The following ANKS1B variants were observed in gnomAD, a reference collection of about 807,000 sequenced individuals.
ANKS1B encodes the protein ankyrin repeat and sterile alpha motif domain-containing protein 1B.
Under a neutral mutation model 148.3 loss-of-function variants are expected in ANKS1B, and 36 were observed. That is an observed-to-expected ratio of 0.24 (90% confidence interval 0.19 to 0.32). The LOEUF is 0.32. Among genes scored for constraint, ANKS1B ranks in the 10% least tolerant of loss-of-function variants. The probability of loss-of-function intolerance (pLI) is 1.00; values close to 1 mark genes in which losing one functional copy is unlikely to be tolerated. For missense variants in ANKS1B, 1,157 were observed against 1,542.6 expected (o/e 0.75, Z 4.19); for synonymous variants, 542 against 560.8 (o/e 0.97, Z 0.47).
At chr12:98,799,789 C>T (rs887858282) in intron 21 of ANKS1B, among the ~76,000 whole-genome samples, 6 of 152,134 alleles carry the variant, frequency 3.9e-5, no homozygotes, top group Non-Finnish European at 8.8e-5. Flanking sequence ...TCAATTGACT[C>T]CCCTTCAACC....
intron 8 of ANKS1B, among the ~76,000 whole-genome samples, chr12:99,696,586 A>T (rs1004548894): frequency 2.0e-5 from 3 of 152,226 alleles, no homozygotes; most frequent in African/African-American, 7.2e-5. Flanking sequence ...AAAATGGATC[A>T]TAAGCCTAAA....
chr12:99,065,590 T>TCATCCATCCATCCATC (rs200122902), intron 16 of ANKS1B, among the ~76,000 whole-genome samples: 1 of 67,468 alleles, frequency 1.5e-5, no homozygotes, highest in Non-Finnish European at 4.3e-5. Flanking sequence ...TCCATTCCAT[T>TCATCCATCCATCCATC]CATCCATCCA....
chr12:98,740,391 C>T (rs964399455), downstream of ANKS1B, among the ~76,000 whole-genome samples: 4 of 152,172 alleles, frequency 2.6e-5, no homozygotes, highest in Admixed American at 2.0e-4. Flanking sequence ...TCTGCCAATG[C>T]AGCATGCCCC....
intron 10 of ANKS1B, among the ~76,000 whole-genome samples, chr12:99,456,308 A>G (rs1375596658): frequency 6.9e-6 from 1 of 144,110 alleles, no homozygotes; most frequent in Non-Finnish European, 1.5e-5. Context: ...GAAATAGTCT[A>G]CCCAAATAAG....
At chr12:98,790,805 T>G (rs2098841983) in intron 22 of ANKS1B, among the ~76,000 whole-genome samples, 1 of 152,182 alleles carries the variant, frequency 6.6e-6, no homozygotes, top group South Asian at 2.1e-4. Context: ...AGTGGATCAA[T>G]ATACCTGGGC....
At chr12:99,282,340 A>AG (rs1441787614) in intron 12 of ANKS1B, among the ~76,000 whole-genome samples, 3 of 152,300 alleles carry the variant, frequency 2.0e-5, no homozygotes, top group Middle Eastern at 3.4e-3. Flanking sequence ...GAGAGTAGTA[A>AG]GGGATGAGAT....
At chr12:99,156,868 A>G (rs574534800) in intron 14 of ANKS1B, among the ~76,000 whole-genome samples, 1 of 152,378 alleles carries the variant, frequency 6.6e-6, no homozygotes, top group Non-Finnish European at 1.5e-5. Flanking sequence ...CATACCTGCT[A>G]AACAAAATAA....
Position 98,780,722 on chromosome 12 carries a change from A to T in ANKS1B, c.3441+395T>A, listed in dbSNP as rs1011645969. 2.0e-5 allele frequency among the ~76,000 whole-genome samples: 3 copies of T among 152,236 alleles called. No homozygotes were observed. In the East Asian group the frequency reaches 5.8e-4, roughly 29 times the overall value. On this transcript the variant is annotated intron_variant, in intron 24 of 26. Transcript: ENST00000683438. ...ATGTTCTAGCCCTTTATCTAGTAACATCTCCTCTGATGGAGGAGTGATGAC... is the reference window on the plus strand; with the variant it reads ...ATGTTCTAGCCCTTTATCTAGTAACTTCTCCTCTGATGGAGGAGTGATGAC...
At chr12:99,952,216 T>C (rs781343712) in intron 1 of ANKS1B, among the ~76,000 whole-genome samples, 4 of 152,148 alleles carry the variant, frequency 2.6e-5, no homozygotes, top group South Asian at 2.1e-4. Flanking sequence ...GATACATGAA[T>C]TCATGCATGG....
rs373551024 is a variant in ANKS1B, at chr12:99,517,678, C to A, written c.1273-13037G>T. On this transcript the variant is annotated intron_variant, in intron 9 of 26. Coordinates refer to ENST00000683438, the MANE Select transcript of ANKS1B (RefSeq NM_001352186.2). Reference sequence around the variant, plus strand: ...TATATAGCCAACAAGAATACTTTGACTTCTACCTTTCCAATTTGGATGCCC... The same window carrying A: ...TATATAGCCAACAAGAATACTTTGAATTCTACCTTTCCAATTTGGATGCCC... Among the ~76,000 whole-genome samples, 280 of 152,068 alleles carry A rather than the reference C, an allele frequency of 1.8e-3. 1 individual carries two copies. The highest frequency in any genetic ancestry group is 8.8e-3 in the Admixed American group (135 of 15,278).
At chr12:99,196,792 T>A (rs2081437039) in intron 14 of ANKS1B, among the ~76,000 whole-genome samples, 1 of 152,022 alleles carries the variant, frequency 6.6e-6, no homozygotes. Context: ...AGCTTTCTGT[T>A]TATTAGTGAC....
chr12:99,350,056 G>A (rs1030279335), intron 12 of ANKS1B, among the ~76,000 whole-genome samples: 3 of 152,020 alleles, frequency 2.0e-5, no homozygotes, highest in Non-Finnish European at 4.4e-5. Context: ...TGTTGGAGGT[G>A]GGGCCTGGTG....
At chr12:99,593,067 A>C (rs920061517) in intron 9 of ANKS1B, among the ~76,000 whole-genome samples, 1 of 152,106 alleles carries the variant, frequency 6.6e-6, no homozygotes, top group South Asian at 2.1e-4. Flanking sequence ...GAGAGAACAG[A>C]TTGTAAGTGT....
chr12:99,165,462 T>C (rs918120875), intron 14 of ANKS1B, among the ~76,000 whole-genome samples: 2 of 151,754 alleles, frequency 1.3e-5, no homozygotes, highest in Non-Finnish European at 3.0e-5. Flanking sequence ...TTTTTATGGA[T>C]ATAAAAAGAA....
At chr12:98,819,243 G>T (rs552818024) in intron 19 of ANKS1B, among the ~76,000 whole-genome samples, 1 of 152,336 alleles carries the variant, frequency 6.6e-6, no homozygotes, top group South Asian at 2.1e-4. Flanking sequence ...GAGAAAGGAG[G>T]CGTAGCTATT....
chr12:99,398,692 A>G (rs1336924706), intron 12 of ANKS1B, among the ~76,000 whole-genome samples: 2 of 152,106 alleles, frequency 1.3e-5, no homozygotes, highest in African/African-American at 4.8e-5. Context: ...GTTTTATCTA[A>G]TAGCTACTGA....
intron 11 of ANKS1B, among the ~76,000 whole-genome samples, chr12:99,416,515 C>T (rs2094914662): frequency 6.6e-6 from 1 of 152,188 alleles, no homozygotes; most frequent in African/African-American, 2.4e-5. Context: ...TTAGTGTTGT[C>T]ACAATTTTTT....
chr12:99,212,010 T>C (rs1401631748), intron 14 of ANKS1B, among the ~76,000 whole-genome samples: 1 of 152,180 alleles, frequency 6.6e-6, no homozygotes, highest in Non-Finnish European at 1.5e-5. Flanking sequence ...TGCCACAAAG[T>C]ACAATGTAGA....
intron 16 of ANKS1B, among the ~76,000 whole-genome samples, chr12:99,060,294 T>C (rs935429504): frequency 2.6e-5 from 4 of 152,046 alleles, no homozygotes; most frequent in African/African-American, 7.2e-5. Flanking sequence ...AGAGAGAGTA[T>C]GCTGTTAACA....
Sources: gnomAD v4.1 joint callset for allele counts (sites outside exome capture counted in the v4.1 genomes callset) on GRCh38, gnomAD v4.1.1 for gene constraint, MANE v1.5 for transcripts, NCBI Gene and HGNC (gene_info 2026-07-23, HGNC 2026-07-21) for gene names.